MAGI2: variants seen among roughly 807,000 people sequenced by gnomAD.
The protein encoded by MAGI2 is membrane-associated guanylate kinase, WW and PDZ domain-containing protein 2.
MAGI2 carries 35 observed loss-of-function variants against 133.3 expected under a neutral mutation model. That is an observed-to-expected ratio of 0.26 (90% CI 0.20 to 0.35). The LOEUF (loss-of-function observed/expected upper bound fraction) is 0.35, where lower values mean the gene tolerates loss of function less well. MAGI2 is among the 10% of genes least tolerant of loss of function. MAGI2 has a pLI of 1.00. For synonymous variants in MAGI2, 729 were observed against 710.6 expected (o/e 1.03, Z -0.41); for missense variants, 1,636 against 1,863.4 (o/e 0.88, Z 2.25).
intron 6 of MAGI2, among the ~76,000 whole-genome samples, chr7:78,387,952 AT>A (rs1795544864): frequency 2.7e-5 from 4 of 150,552 alleles, no homozygotes; most frequent in Non-Finnish European, 5.9e-5. Context: ...AAATAAATAA[AT>A]AAATAAATAA....
At chr7:78,964,109 A>G (rs1803100140) in intron 2 of MAGI2, among the ~76,000 whole-genome samples, 1 of 151,838 alleles carries the variant, frequency 6.6e-6, no homozygotes, top group Non-Finnish European at 1.5e-5. Flanking sequence ...CTTTCCTTCT[A>G]ATACATTTAT....
chr7:79,304,383 G>A (rs1448229067), intron 1 of MAGI2, among the ~76,000 whole-genome samples: 1 of 151,546 alleles, frequency 6.6e-6, no homozygotes, highest in Non-Finnish European at 1.5e-5. Flanking sequence ...TGGGGTTTAT[G>A]AACATTGCTC....
intron 2 of MAGI2, among the ~76,000 whole-genome samples, chr7:78,805,637 T>C (rs1788513662): frequency 6.6e-6 from 1 of 152,334 alleles, no homozygotes; most frequent in African/African-American, 2.4e-5. Flanking sequence ...ATAGCTGACC[T>C]GTAAACCAAA....
chr7:78,283,071 C>T (rs972706592), intron 9 of MAGI2, among the ~76,000 whole-genome samples: 3 of 152,016 alleles, frequency 2.0e-5, no homozygotes, highest in Non-Finnish European at 1.5e-5. Flanking sequence ...CTATGTTACC[C>T]AGGCTGGTCT....
intron 4 of MAGI2, among the ~76,000 whole-genome samples, chr7:78,510,199 G>A (rs946208760): frequency 6.6e-6 from 1 of 152,196 alleles, no homozygotes; most frequent in East Asian, 1.9e-4. Context: ...ATAAGAAGCA[G>A]TAGAACGTAA....
At chr7:78,523,002 T>C (rs1475389853) in intron 3 of MAGI2, among the ~76,000 whole-genome samples, 2 of 152,110 alleles carry the variant, frequency 1.3e-5, no homozygotes, top group South Asian at 2.1e-4. Flanking sequence ...AAAAGCATTA[T>C]AACAGGAAAT....
intron 6 of MAGI2, among the ~76,000 whole-genome samples, chr7:78,472,719 C>T (rs1404206905): frequency 6.6e-6 from 1 of 152,122 alleles, no homozygotes; most frequent in Non-Finnish European, 1.5e-5. Flanking sequence ...TTCCTCTAAG[C>T]ATGAATTCCC....
chr7:79,417,509 T>C (rs1219363726), intron 1 of MAGI2, among the ~76,000 whole-genome samples: 4 of 152,140 alleles, frequency 2.6e-5, no homozygotes, highest in African/African-American at 9.7e-5. Flanking sequence ...GAAACTGCCT[T>C]CACAAGGAAA....
chr7:79,452,981 C>A (rs1245974127), intron 1 of MAGI2, 39 bp downstream of exon 1: 2 of 1,512,252 alleles, frequency 1.3e-6, no homozygotes, highest in Admixed American at 4.2e-5. Context: ...CGAGCGGTCC[C>A]ACCGCCCGGC....
At chr7:78,584,389 C>T (rs1402738954) in intron 3 of MAGI2, among the ~76,000 whole-genome samples, 3 of 124,668 alleles carry the variant, frequency 2.4e-5, no homozygotes, top group Non-Finnish European at 4.8e-5. Flanking sequence ...CACTGCATTC[C>T]AGCCTGGGTG....
At chr7:78,116,354 T>C (rs927802819) in intron 20 of MAGI2, among the ~76,000 whole-genome samples, 2 of 52,282 alleles carry the variant, frequency 3.8e-5, no homozygotes, top group African/African-American at 1.3e-4. Flanking sequence ...AGCATCCAAC[T>C]TAGGAAAAAA....
intron 6 of MAGI2, among the ~76,000 whole-genome samples, chr7:78,404,369 T>C (rs1797181347): frequency 6.6e-6 from 1 of 152,182 alleles, no homozygotes; most frequent in African/African-American, 2.4e-5. Context: ...AAGTCAATCC[T>C]AAGCCAAAAG....
chr7:78,985,720 TTGTC>T (rs1415794156), intron 2 of MAGI2, among the ~76,000 whole-genome samples: 1 of 152,098 alleles, frequency 6.6e-6, no homozygotes, highest in Admixed American at 6.6e-5. Flanking sequence ...TGGAGTGGCT[TTGTC>T]TGCAGCATTA....
chr7:79,158,089 T>G (rs1823994677), intron 1 of MAGI2, among the ~76,000 whole-genome samples: 1 of 151,962 alleles, frequency 6.6e-6, no homozygotes, highest in Admixed American at 6.6e-5. Flanking sequence ...ATGATATAAA[T>G]TTTGCTATTT....
chr7:78,155,371 T>C (rs1824286719), intron 16 of MAGI2, among the ~76,000 whole-genome samples: 1 of 152,186 alleles, frequency 6.6e-6, no homozygotes, highest in Admixed American at 6.5e-5. Context: ...CCAAGCACTT[T>C]GGGAGGCCAA....
At chr7:79,186,221 TATATATATATA>T (rs1827102155) in intron 1 of MAGI2, among the ~76,000 whole-genome samples, 16 of 113,120 alleles carry the variant, frequency 1.4e-4, no homozygotes, top group Admixed American at 6.3e-4. Context: ...TATATATATA[TATATATATATA>T]TATATATATA....
intron 9 of MAGI2, among the ~76,000 whole-genome samples, chr7:78,302,517 G>A (rs1797916211): frequency 6.6e-6 from 1 of 152,078 alleles, no homozygotes; most frequent in South Asian, 2.1e-4. Context: ...TTCACTCTCT[G>A]CTTTCTCTAT....
intron 3 of MAGI2, among the ~76,000 whole-genome samples, chr7:78,524,342 C>A (rs1327987636): frequency 6.6e-6 from 1 of 150,792 alleles, no homozygotes; most frequent in Non-Finnish European, 1.5e-5. Flanking sequence ...GTTGTGAAGA[C>A]GAAGTAAGAA....
At chr7:79,342,874 C>G (rs931420136) in intron 1 of MAGI2, among the ~76,000 whole-genome samples, 1 of 152,080 alleles carries the variant, frequency 6.6e-6, no homozygotes, top group Non-Finnish European at 1.5e-5. Flanking sequence ...ATTCTCCTGC[C>G]TCAGCCTCCC....
Sources: gnomAD v4.1 joint callset for allele counts (sites outside exome capture counted in the v4.1 genomes callset) on GRCh38, gnomAD v4.1.1 for gene constraint, MANE v1.5 for transcripts, NCBI Gene and HGNC (gene_info 2026-07-23, HGNC 2026-07-21) for gene names.